COL22A1: variants seen among roughly 807,000 people sequenced by gnomAD.
COL22A1 encodes collagen type XXII alpha 1 chain, also known as collagen alpha-1(XXII) chain.
A neutral mutation model predicts 248.9 loss-of-function variants in COL22A1; 221 were observed. That is an observed-to-expected ratio of 0.89 (90% CI 0.80 to 0.99). COL22A1 has a LOEUF of 0.99. COL22A1 is among the 50% of genes least tolerant of loss of function. The pLI, the probability that COL22A1 is intolerant of heterozygous loss-of-function variation, is 0.00. For missense variants in COL22A1, 2,240 were observed against 2,179.0 expected, an observed-to-expected ratio of 1.03 and a Z score of -0.56; for synonymous variants, 891 against 793.4, an observed-to-expected ratio of 1.12 and a Z score of -2.07.
intron 12 of COL22A1, among the ~76,000 whole-genome samples, chr8:138,790,361 C>T (rs1398766587): frequency 3.3e-5 from 5 of 152,198 alleles, no homozygotes; most frequent in African/African-American, 1.2e-4. Context: ...CCTCCCAATA[C>T]CATCACCTTG....
intron 23 of COL22A1, among the ~76,000 whole-genome samples, chr8:138,734,542 C>T (rs1226385984): frequency 6.6e-6 from 1 of 152,112 alleles, no homozygotes; most frequent in Admixed American, 6.6e-5. Flanking sequence ...AGGCTCTGGC[C>T]GTGGAGAAAC....
intron 3 of COL22A1, among the ~76,000 whole-genome samples, chr8:138,859,411 A>G (rs1822283606): frequency 6.6e-6 from 1 of 152,168 alleles, no homozygotes; most frequent in Non-Finnish European, 1.5e-5. Flanking sequence ...AGAACGGGAT[A>G]TGGCTGCCCA....
intron 45 of COL22A1, among the ~76,000 whole-genome samples, chr8:138,653,372 C>T (rs886175772): frequency 2.6e-5 from 4 of 152,136 alleles, no homozygotes; most frequent in South Asian, 4.1e-4. Context: ...AAAGATGAAT[C>T]GGATAGTAGA....
intron 3 of COL22A1, among the ~76,000 whole-genome samples, chr8:138,844,678 C>T (rs894310602): frequency 2.0e-5 from 3 of 151,778 alleles, no homozygotes; most frequent in Admixed American, 6.6e-5. Context: ...TGTCCGGGCG[C>T]GGTGGCTCAC....
chr8:138,690,934 C>T lies in COL22A1; in HGVS notation c.2755-60G>A, dbSNP rs886671824. 1.2e-5 allele frequency: 17 copies of T among 1,388,368 alleles called. No homozygotes were observed. The South Asian group carries it at 1.9e-4, about 15-fold the overall frequency. 86.0% of individuals were successfully genotyped at this position (1,388,368 alleles called of 1,614,324 possible). Reference sequence around the variant, plus strand: ...CATTGATTAGAAGTAGTTGCCCCCACTCTCTCTGCAAATCTGCCTCATACT... The same window carrying T: ...CATTGATTAGAAGTAGTTGCCCCCATTCTCTCTGCAAATCTGCCTCATACT... On this transcript the variant is annotated intron_variant, in intron 35 of 64. Transcript: ENST00000303045.
At chr8:138,738,921 C>G (rs936378468) in intron 22 of COL22A1, among the ~76,000 whole-genome samples, 8 of 152,264 alleles carry the variant, frequency 5.3e-5, no homozygotes, top group African/African-American at 1.7e-4. Context: ...CTGGGAGCAA[C>G]AGGGAGGATG....
intron 22 of COL22A1, among the ~76,000 whole-genome samples, chr8:138,739,860 C>G (rs1024128488): frequency 2.0e-5 from 3 of 152,198 alleles, no homozygotes; most frequent in African/African-American, 7.2e-5. Context: ...CACCTTTGAG[C>G]TGTGAACCCA....
At position 138,608,003 on chromosome 8, in the gene COL22A1, C is replaced by T. The variant is rs745689309; in HGVS notation, c.3979-14G>A. 3 of 1,613,620 alleles carry T rather than the reference C, an allele frequency of 1.9e-6. No homozygotes were observed. Among genetic ancestry groups the T allele is most frequent in the Non-Finnish European group, 1.7e-6 (2 of 1,179,722 alleles). On this transcript the variant is annotated splice_polypyrimidine_tract_variant and intron_variant, in intron 56 of 64. Coordinates refer to ENST00000303045, the MANE Select transcript of COL22A1 (RefSeq NM_152888.3). ...TCCATTCTTGCCCTGGTGGAAGAAA[C>T]AGAGGTAATCATCCTGCCAGGGCAT...
chr8:138,799,298 T>A (rs1417576060), intron 11 of COL22A1, among the ~76,000 whole-genome samples: 1 of 152,228 alleles, frequency 6.6e-6, no homozygotes, highest in African/African-American at 2.4e-5. Context: ...CTTTGTCTGT[T>A]AAATCCGATA....
intron 30 of COL22A1, among the ~76,000 whole-genome samples, chr8:138,703,713 T>C (rs1828161565): frequency 6.6e-6 from 1 of 152,064 alleles, no homozygotes; most frequent in Admixed American, 6.6e-5. Context: ...CCAGTGTGAG[T>C]AATGCAGAAG....
At chr8:138,603,867 T>A (rs891264205) in intron 59 of COL22A1, among the ~76,000 whole-genome samples, 1 of 152,178 alleles carries the variant, frequency 6.6e-6, no homozygotes, top group Non-Finnish European at 1.5e-5. Flanking sequence ...AGGGGGAGAA[T>A]GCAGGCCTTG....
chr8:138,622,580 T>C (rs1819893337), intron 52 of COL22A1, among the ~76,000 whole-genome samples: 1 of 152,236 alleles, frequency 6.6e-6, no homozygotes, highest in African/African-American at 2.4e-5. Flanking sequence ...CCTACTGCTA[T>C]GTCCCCTTGT....
At chr8:138,896,102 G>A (rs557713227) in intron 1 of COL22A1, among the ~76,000 whole-genome samples, 71 of 152,292 alleles carry the variant, frequency 4.7e-4, no homozygotes, top group Non-Finnish European at 9.0e-4. Flanking sequence ...GGAAAACTAA[G>A]AGTATTTGCC....
chr8:138,620,963 A>G (rs1456235010), intron 52 of COL22A1, among the ~76,000 whole-genome samples: 4 of 94,508 alleles, frequency 4.2e-5, no homozygotes, highest in African/African-American at 1.2e-4. Flanking sequence ...CCATCCATCC[A>G]TCCATCCATC....
chr8:138,664,423 C>G (rs928961913), intron 41 of COL22A1, among the ~76,000 whole-genome samples: 1 of 152,034 alleles, frequency 6.6e-6, no homozygotes, highest in Non-Finnish European at 1.5e-5. Flanking sequence ...GTCCCTTGCC[C>G]CTGAGGCTTT....
intron 22 of COL22A1, among the ~76,000 whole-genome samples, chr8:138,750,501 C>T (rs144510705): frequency 8.5e-5 from 13 of 152,224 alleles, no homozygotes; most frequent in African/African-American, 1.4e-4. Context: ...CCCCCTTAGA[C>T]GAAGTCAATC....
At chr8:138,885,461 C>T (rs995588155) in intron 1 of COL22A1, among the ~76,000 whole-genome samples, 3 of 152,222 alleles carry the variant, frequency 2.0e-5, no homozygotes, top group African/African-American at 7.2e-5. Context: ...CTAGGTGTCT[C>T]TGCTGCACCT....
chr8:138,810,636 T>C (rs1346809547), intron 9 of COL22A1, among the ~76,000 whole-genome samples: 1 of 151,976 alleles, frequency 6.6e-6, no homozygotes, highest in Non-Finnish European at 1.5e-5. Context: ...GAGGCCAGAG[T>C]TCGATGTCCG....
intron 36 of COL22A1, among the ~76,000 whole-genome samples, chr8:138,690,199 G>A (rs1220384697): frequency 6.6e-6 from 1 of 152,148 alleles, no homozygotes; most frequent in Non-Finnish European, 1.5e-5. Flanking sequence ...CTATTGTAGG[G>A]GAAAAACGCT....
Sources: allele counts gnomAD v4.1 joint callset (sites outside exome capture counted in the v4.1 genomes callset), GRCh38; gene constraint gnomAD v4.1.1; transcripts MANE v1.5; gene names NCBI Gene and HGNC (gene_info 2026-07-23, HGNC 2026-07-21).